ATXN1: variants seen among roughly 807,000 people sequenced by gnomAD.
ATXN1 encodes ataxin-1.
ATXN1 carries 8 observed loss-of-function variants against 56.4 expected under a neutral mutation model. That is an observed-to-expected ratio of 0.14 (90% confidence interval 0.08 to 0.26). ATXN1 has a LOEUF of 0.26. Ranked by LOEUF, ATXN1 falls within the 10% of genes least tolerant of loss-of-function variation. The pLI is 1.00. For synonymous variants in ATXN1, 514 were observed against 494.6 expected (o/e 1.04, Z -0.52); for missense variants, 987 against 1,106.5 (o/e 0.89, Z 1.53).
At chr6:16,448,421 T>G (rs1437427512) in intron 6 of ATXN1, among the ~76,000 whole-genome samples, 1 of 152,236 alleles carries the variant, frequency 6.6e-6, no homozygotes, top group East Asian at 1.9e-4. Context: ...GTTTGTTTCC[T>G]GCGCTAGAAT....
At chr6:16,534,659 T>C (rs1161453991) in intron 4 of ATXN1, among the ~76,000 whole-genome samples, 1 of 152,172 alleles carries the variant, frequency 6.6e-6, no homozygotes, top group Non-Finnish European at 1.5e-5. Context: ...CTGGTCCATT[T>C]CCTCATCCCA....
intron 6 of ATXN1, among the ~76,000 whole-genome samples, chr6:16,421,888 G>A (rs1345177715): frequency 6.6e-6 from 1 of 152,176 alleles, no homozygotes; most frequent in African/African-American, 2.4e-5. Context: ...AAAAAAACAT[G>A]GAATACAATG....
At chr6:16,397,432 A>G (rs1015340362) in intron 6 of ATXN1, among the ~76,000 whole-genome samples, 1 of 151,814 alleles carries the variant, frequency 6.6e-6, no homozygotes, top group Non-Finnish European at 1.5e-5. Flanking sequence ...CCCGGCTAGT[A>G]TTTATATTTT....
chr6:16,617,394 T>C (rs979583096), intron 3 of ATXN1, among the ~76,000 whole-genome samples: 2 of 150,008 alleles, frequency 1.3e-5, no homozygotes, highest in Non-Finnish European at 3.0e-5. Context: ...CATGAAAGAA[T>C]AAATAGACTA....
intron 2 of ATXN1, among the ~76,000 whole-genome samples, chr6:16,679,875 T>A (rs1758778297): frequency 6.6e-6 from 1 of 152,248 alleles, no homozygotes; most frequent in Non-Finnish European, 1.5e-5. Flanking sequence ...ACAAATGTAC[T>A]GTTGTTAAAG....
At chr6:16,746,346 A>G (rs73725229) in intron 2 of ATXN1, among the ~76,000 whole-genome samples, 80 of 152,354 alleles carry the variant, frequency 5.3e-4, no homozygotes, top group African/African-American at 1.9e-3. Flanking sequence ...TTATGAATTA[A>G]CCAAAAAGAC....
Position 16,327,633 on chromosome 6 carries a change from G to GTGCCGCTGCTGCTGC in ATXN1, c.677_678insGCAGCAGCAGCGGCA (p.Gln225_His226insGlnGlnGlnGlnArg). 6.9e-7 allele frequency: 1 copy of GTGCCGCTGCTGCTGC among 1,450,868 alleles called. No individual in the cohort carries two copies. Among genetic ancestry groups the GTGCCGCTGCTGCTGC allele is most frequent in the Non-Finnish European group, 9.4e-7 (1 of 1,063,938 alleles). 89.9% of individuals were successfully genotyped at this position (1,450,868 alleles called of 1,614,324 possible). The stretch of plus-strand genomic sequence containing the variant: ...TGATGAGCCCCGGAGCCCTGCTGAG[G>GTGCCGCTGCTGCTGC]TGCTGCTGCTGCTGCTGCTGCTGCT... On this transcript the variant is annotated inframe_insertion, in exon 7 of 8. Transcript: ENST00000436367.
intron 3 of ATXN1, among the ~76,000 whole-genome samples, chr6:16,643,638 A>G (rs994004967): frequency 6.6e-6 from 1 of 151,578 alleles, no homozygotes; most frequent in African/African-American, 2.4e-5. Flanking sequence ...AAAAAAAAAA[A>G]AAAAAAAAAA....
intron 6 of ATXN1, among the ~76,000 whole-genome samples, chr6:16,387,373 G>C (rs1313990885): frequency 6.6e-6 from 1 of 152,234 alleles, no homozygotes; most frequent in Non-Finnish European, 1.5e-5. Context: ...AATGTAGAGA[G>C]ACATGAACTT....
At chr6:16,620,823 C>T (rs1469600201) in intron 3 of ATXN1, among the ~76,000 whole-genome samples, 3 of 152,212 alleles carry the variant, frequency 2.0e-5, no homozygotes, top group Non-Finnish European at 4.4e-5. Flanking sequence ...GGACCCCCAC[C>T]TACTCCGCTG....
At chr6:16,514,376 G>A (rs981964167) in intron 5 of ATXN1, among the ~76,000 whole-genome samples, 3 of 152,188 alleles carry the variant, frequency 2.0e-5, no homozygotes, top group Non-Finnish European at 4.4e-5. Flanking sequence ...TAGGGAGGCT[G>A]CGTCTGAGAG....
intron 5 of ATXN1, among the ~76,000 whole-genome samples, chr6:16,498,711 T>C (rs1260909089): frequency 6.6e-6 from 1 of 152,226 alleles, no homozygotes; most frequent in Non-Finnish European, 1.5e-5. Context: ...AATAAAGTGG[T>C]ATCTCATTGT....
In ATXN1 at chr6:16,422,823, C is replaced by A. The variant is rs528518476; in HGVS notation, c.-161+63149G>T. ...GAGATGTTTCTTTGATCTGCCTTAT[C>A]TCTGCCATCTGTTTTCCCAACCTGG... is the stretch of plus-strand genomic sequence containing the variant. On this transcript the variant is annotated intron_variant, in intron 6 of 7. Transcript: ENST00000436367. Among the ~76,000 whole-genome samples, 5 of 152,336 alleles carry A rather than the reference C, an allele frequency of 3.3e-5. No homozygotes were observed. The South Asian group carries it at 1.0e-3, about 32-fold the overall frequency.
At chr6:16,635,679 G>A (rs1230297596) in intron 3 of ATXN1, among the ~76,000 whole-genome samples, 1 of 152,216 alleles carries the variant, frequency 6.6e-6, no homozygotes, top group African/African-American at 2.4e-5. Context: ...CTTTAGGCAG[G>A]ACATTGACCA....
chr6:16,445,231 T>C (rs970032706), intron 6 of ATXN1, among the ~76,000 whole-genome samples: 3 of 152,234 alleles, frequency 2.0e-5, no homozygotes, highest in Admixed American at 6.5e-5. Flanking sequence ...TGACTGTTAA[T>C]GCATTTTTTG....
intron 4 of ATXN1, among the ~76,000 whole-genome samples, chr6:16,562,453 A>AAGGAAAGGAAAGGAGAGGAG (rs70999338): frequency 2.6e-5 from 3 of 114,642 alleles, no homozygotes; most frequent in African/African-American, 9.3e-5. Context: ...AAAGAAAGAA[A>AAGGAAAGGAAAGGAGAGGAG]AGGAGAGGAG....
intron 6 of ATXN1, among the ~76,000 whole-genome samples, chr6:16,448,376 A>C (rs535910496): frequency 6.6e-6 from 1 of 152,252 alleles, no homozygotes; most frequent in East Asian, 1.9e-4. Context: ...CTCTTCATTC[A>C]TCACAGCTGA....
chr6:16,395,817 A>G (rs1166246767), intron 6 of ATXN1, among the ~76,000 whole-genome samples: 2 of 152,004 alleles, frequency 1.3e-5, no homozygotes, highest in African/African-American at 4.8e-5. Context: ...GGAGATCGAG[A>G]CCATCCTGGC....
intron 6 of ATXN1, among the ~76,000 whole-genome samples, chr6:16,364,850 A>T (rs1761883749): frequency 6.6e-6 from 1 of 152,240 alleles, no homozygotes; most frequent in South Asian, 2.1e-4. Flanking sequence ...TGGGATATGA[A>T]GTAAAATGTG....
Sources: gnomAD v4.1 joint callset for allele counts (sites outside exome capture counted in the v4.1 genomes callset) on GRCh38, gnomAD v4.1.1 for gene constraint, MANE v1.5 for transcripts, NCBI Gene and HGNC (gene_info 2026-07-23, HGNC 2026-07-21) for gene names.